DCC: variants seen among roughly 807,000 people sequenced by gnomAD.
The protein encoded by DCC is netrin receptor DCC.
Under a neutral mutation model 172.5 loss-of-function variants are expected in DCC, and 58 were observed. The ratio of observed to expected loss-of-function variants is 0.34; its 90% CI spans 0.27 to 0.42. The LOEUF (loss-of-function observed/expected upper bound fraction) is 0.42, where lower values mean the gene tolerates loss of function less well. DCC is among the 10% of genes least tolerant of loss of function. The pLI, the probability that DCC is intolerant of heterozygous loss-of-function variation, is 1.00. For missense variants in DCC, 1,740 were observed against 1,791.0 expected, an observed-to-expected ratio of 0.97 and a Z score of 0.51; for synonymous variants, 709 against 644.5, an observed-to-expected ratio of 1.10 and a Z score of -1.52.
intron 26 of DCC, among the ~76,000 whole-genome samples, chr18:53,497,997 G>A (rs563708144): frequency 1.5e-4 from 23 of 152,282 alleles, no homozygotes; most frequent in Admixed American, 1.4e-3. Flanking sequence ...CCTGTGCTCA[G>A]CCAACCTTGT....
At position 53,459,379 on chromosome 18, in the gene DCC, C is replaced by G. The variant is rs142960458; in HGVS notation, c.3540C>G (p.Ile1180Met). 1 of 1,614,040 alleles carries G rather than the reference C, an allele frequency of 6.2e-7. No individual in the cohort carries two copies. The highest frequency in any genetic ancestry group is 1.1e-5 in the South Asian group (1 of 91,076). Reference protein sequence around the residue: ...GTDPAGRDSPIQSCQDLTPVS... With the variant: ...GTDPAGRDSPMQSCQDLTPVS... ...ACCCTGCAGGAAGGGACTCTCCCATCCAAAGTTGCCAAGACCTCACACCAG... is the reference window on the plus strand; with the variant it reads ...ACCCTGCAGGAAGGGACTCTCCCATGCAAAGTTGCCAAGACCTCACACCAG... Residue 1180 changes from isoleucine to methionine, a missense_variant, in exon 24 of 29, where the codon ATC (isoleucine) becomes ATG (methionine). By Grantham distance (10) the Ile-to-Met change is conservative (BLOSUM62 1). Coordinates refer to ENST00000442544, the MANE Select transcript of DCC (RefSeq NM_005215.4).
chr18:52,824,946 G>A (rs889060659), intron 2 of DCC, among the ~76,000 whole-genome samples: 2 of 148,040 alleles, frequency 1.4e-5, no homozygotes, highest in Non-Finnish European at 3.0e-5. Flanking sequence ...CCCTAGCCTG[G>A]GCAACAGAGC....
intron 5 of DCC, among the ~76,000 whole-genome samples, chr18:52,967,532 G>A (rs961859614): frequency 6.6e-6 from 1 of 152,086 alleles, no homozygotes; most frequent in Non-Finnish European, 1.5e-5. Context: ...ATAGGAATTT[G>A]CACCATTCTA....
intron 12 of DCC, among the ~76,000 whole-genome samples, chr18:53,304,335 G>C (rs1162045191): frequency 6.6e-6 from 1 of 152,080 alleles, no homozygotes; most frequent in East Asian, 1.9e-4. Context: ...GAGCCTCATT[G>C]TTGGGGAATT....
chr18:52,885,655 G>A (rs890133425), intron 2 of DCC, among the ~76,000 whole-genome samples: 1 of 152,066 alleles, frequency 6.6e-6, no homozygotes, highest in Admixed American at 6.5e-5. Flanking sequence ...TTACCCCACT[G>A]TGGCCAAAGC....
chr18:53,391,468 G>A (rs60830420), intron 16 of DCC, among the ~76,000 whole-genome samples, 187 bp from the exon 17 acceptor site: 4,377 of 152,164 alleles, frequency 0.029, 243 homozygotes, highest in African/African-American at 0.099. Context: ...TTGCAATATA[G>A]CAATACTGTT....
intron 12 of DCC, among the ~76,000 whole-genome samples, chr18:53,280,101 A>T (rs185867250): frequency 0.013 from 1,953 of 152,274 alleles, 14 homozygotes; most frequent in Non-Finnish European, 0.019. Flanking sequence ...AAGTTTTTTA[A>T]AAAAAATCCT....
intron 1 of DCC, among the ~76,000 whole-genome samples, chr18:52,740,448 G>A (rs945157992): frequency 2.0e-5 from 3 of 152,054 alleles, no homozygotes; most frequent in Admixed American, 6.5e-5. Flanking sequence ...AATGAAAATC[G>A]CTATTTGGCC....
intron 1 of DCC, among the ~76,000 whole-genome samples, chr18:52,398,954 C>A (rs896562952): frequency 6.6e-6 from 1 of 151,800 alleles, no homozygotes; most frequent in Non-Finnish European, 1.5e-5. Context: ...CCTCAAAAAC[C>A]TATGGAAATA....
Position 53,402,909 on chromosome 18 carries a change from T to C in DCC, c.2935+16T>C. ...AAAATTACTGGTAAGCATCTCCACT[T>C]TCTCTCCCAGCATAGCTCTCCCTTG... On this transcript the variant is annotated intron_variant, in intron 19 of 28. Coordinates refer to ENST00000442544, the MANE Select transcript of DCC (RefSeq NM_005215.4). 6.4e-7 allele frequency: 1 copy of C among 1,554,084 alleles called. No homozygotes were observed. The highest frequency in any genetic ancestry group is 8.9e-7 in the Non-Finnish European group (1 of 1,125,410).
chr18:52,556,618 T>A (rs572486481), intron 1 of DCC, among the ~76,000 whole-genome samples: 54 of 152,230 alleles, frequency 3.5e-4, no homozygotes, highest in African/African-American at 1.3e-3. Context: ...CACCCCTGGA[T>A]GGAAATTTGA....
At chr18:52,937,740 C>T (rs892559413) in intron 5 of DCC, among the ~76,000 whole-genome samples, 1 of 152,106 alleles carries the variant, frequency 6.6e-6, no homozygotes, top group African/African-American at 2.4e-5. Flanking sequence ...TCAGCCAGGA[C>T]AAAGTGCTGG....
chr18:53,076,235 T>G (rs2042723573), intron 7 of DCC, among the ~76,000 whole-genome samples: 1 of 152,168 alleles, frequency 6.6e-6, no homozygotes, highest in African/African-American at 2.4e-5. Context: ...GAATTAGGAC[T>G]TCTGAGTCTA....
rs1406795015 is a variant in DCC at position 53,362,397 on chromosome 18, GAAGTGCTTTA to G, written c.2359+22495_2359+22504del. 3.3e-5 allele frequency among the ~76,000 whole-genome samples: 5 copies of G among 152,254 alleles called. No homozygotes were observed. The East Asian group carries it at 7.7e-4, about 24-fold the overall frequency. On this transcript the variant is annotated intron_variant, in intron 15 of 28. Transcript: ENST00000442544. Reference sequence around the variant, plus strand: ...TTTTCACTTATCTGAATGGGAGCCGGAAGTGCTTTAAAGTTTCAGAATGCAAGTGCATGCA... The same window carrying G: ...TTTTCACTTATCTGAATGGGAGCCGGAAGTTTCAGAATGCAAGTGCATGCA...
At chr18:52,577,114 G>A (rs985951680) in intron 1 of DCC, among the ~76,000 whole-genome samples, 1 of 152,208 alleles carries the variant, frequency 6.6e-6, no homozygotes, top group Non-Finnish European at 1.5e-5. Context: ...ATCAACTTCA[G>A]TTATACTTAG....
intron 1 of DCC, among the ~76,000 whole-genome samples, chr18:52,564,805 A>G (rs1472530084): frequency 6.6e-6 from 1 of 151,970 alleles, no homozygotes; most frequent in Admixed American, 6.6e-5. Flanking sequence ...GGACCATGGA[A>G]CCCAGTAGGA....
chr18:53,425,415 A>C lies in DCC; in HGVS notation c.3163+9259A>C, dbSNP rs1006862207. Among the ~76,000 whole-genome samples the C allele has an allele frequency of 9.8e-5, 13 of 132,876 alleles. No individual in the cohort carries two copies. The Admixed American group carries it at 1.2e-3, about 12-fold the overall frequency. 87.2% of individuals were successfully genotyped at this position (132,876 alleles called of 152,430 possible). ...CACTCTCTCACCCGGGCTGGAGTGC[A>C]GTGGCATGATCTTGGCTCACTGCAA... On this transcript the variant is annotated intron_variant, in intron 21 of 28. Transcript: ENST00000442544.
At chr18:53,272,705 A>G (rs1254689970) in intron 12 of DCC, among the ~76,000 whole-genome samples, 2 of 152,218 alleles carry the variant, frequency 1.3e-5, no homozygotes, top group South Asian at 2.1e-4. Flanking sequence ...AATTTCGTAT[A>G]TTTTTCAAAA....
intron 1 of DCC, among the ~76,000 whole-genome samples, chr18:52,382,857 G>C (rs1280165310): frequency 1.3e-5 from 2 of 151,904 alleles, no homozygotes; most frequent in Admixed American, 6.6e-5. Flanking sequence ...GCAATCCAGA[G>C]GTGCCTATCA....
Sources: gnomAD v4.1 joint callset for allele counts (sites outside exome capture counted in the v4.1 genomes callset) on GRCh38, gnomAD v4.1.1 for gene constraint, MANE v1.5 for transcripts, NCBI Gene and HGNC (gene_info 2026-07-23, HGNC 2026-07-21) for gene names.